PTPN2: variants seen among roughly 807,000 people sequenced by gnomAD.
PTPN2 encodes the protein protein tyrosine phosphatase non-receptor type 2, also known as tyrosine-protein phosphatase non-receptor type 2.
PTPN2 carries 19 observed loss-of-function variants against 57.3 expected under a neutral mutation model. The ratio of observed to expected loss-of-function variants is 0.33; its 90% CI spans 0.23 to 0.49. The LOEUF (loss-of-function observed/expected upper bound fraction) is 0.49, where lower values mean the gene tolerates loss of function less well. PTPN2 is among the 20% of genes least tolerant of loss of function. The pLI is 0.99. For synonymous variants in PTPN2, 153 were observed against 164.9 expected (o/e 0.93, Z 0.55); for missense variants, 358 against 501.1 (o/e 0.71, Z 2.73).
At chr18:12,856,713 A>ACTT (rs2043601537) in intron 2 of PTPN2, among the ~76,000 whole-genome samples, 1 of 152,224 alleles carries the variant, frequency 6.6e-6, no homozygotes, top group African/African-American at 2.4e-5. Context: ...CTTGAGGATA[A>ACTT]CTTAAGTTGC....
intron 7 of PTPN2, among the ~76,000 whole-genome samples, chr18:12,807,717 C>T (rs958518497): frequency 2.7e-5 from 4 of 149,872 alleles, no homozygotes; most frequent in African/African-American, 4.9e-5. Context: ...TGTATGTTCT[C>T]ACTCATATGT....
chr18:12,857,130 T>C (rs909158842), intron 2 of PTPN2, among the ~76,000 whole-genome samples: 14 of 151,016 alleles, frequency 9.3e-5, no homozygotes, highest in Non-Finnish European at 2.1e-4. Flanking sequence ...AAATGTAGTG[T>C]AGTGCATCCA....
intron 1 of PTPN2, among the ~76,000 whole-genome samples, chr18:12,882,782 A>G (rs188552685): frequency 1.2e-4 from 19 of 152,356 alleles, no homozygotes; most frequent in Admixed American, 7.8e-4. Flanking sequence ...TACTTTCTGA[A>G]CACATTTTTC....
intron 8 of PTPN2, among the ~76,000 whole-genome samples, chr18:12,800,714 A>C (rs1850513203): frequency 6.6e-6 from 1 of 152,242 alleles, no homozygotes; most frequent in Non-Finnish European, 1.5e-5. Context: ...TCTAACAAAT[A>C]TAACCACAAG....
intron 2 of PTPN2, chr18:12,840,947 T>A: frequency 6.8e-7 from 1 of 1,480,562 alleles, no homozygotes; most frequent in African/African-American, 1.4e-5. Flanking sequence ...AACTGGTCTG[T>A]TCCCTGCATT....
At position 12,843,615 on chromosome 18, in the gene PTPN2, G is replaced by T. The variant is rs113755808; in HGVS notation, c.161-6724C>A. On this transcript the variant is annotated intron_variant, in intron 2 of 8. Transcript: ENST00000309660. ...TTAGGGCAAGATTCTGATCAGCTCC[G>T]CTGGTGGAGGGCAGCAGGAGCACCC... Among the ~76,000 whole-genome samples the T allele has an allele frequency of 1.6e-4, 25 of 152,208 alleles. 1 individual carries two copies. Among genetic ancestry groups the T allele is most frequent in the African/African-American group, 6.0e-4 (25 of 41,530 alleles).
At chr18:12,883,023 TAAA>T in intron 1 of PTPN2, among the ~76,000 whole-genome samples, 1 of 152,286 alleles carries the variant, frequency 6.6e-6, no homozygotes, top group East Asian at 1.9e-4. Flanking sequence ...CTAGTTGACA[TAAA>T]AAAAGCGAAT....
At chr18:12,811,640 C>G (rs1275935721) in intron 7 of PTPN2, among the ~76,000 whole-genome samples, 3 of 152,158 alleles carry the variant, frequency 2.0e-5, no homozygotes, top group Admixed American at 2.0e-4. Flanking sequence ...TGCCTATGTT[C>G]AGCAAACTCA....
At chr18:12,870,426 CGT>C (rs1491338561) in intron 1 of PTPN2, among the ~76,000 whole-genome samples, 71 of 22,022 alleles carry the variant, frequency 3.2e-3, no homozygotes, top group Non-Finnish European at 4.1e-3. Context: ...TATATATATA[CGT>C]ATATATATAT....
intron 7 of PTPN2, among the ~76,000 whole-genome samples, chr18:12,803,209 C>A (rs929755665): frequency 1.3e-5 from 2 of 151,236 alleles, no homozygotes; most frequent in African/African-American, 4.9e-5. Flanking sequence ...CCAGAGTAAC[C>A]ACAAAGAAAA....
downstream of PTPN2, among the ~76,000 whole-genome samples, chr18:12,789,520 G>A (rs1057351916): frequency 2.0e-5 from 3 of 152,320 alleles, no homozygotes; most frequent in African/African-American, 4.8e-5. Context: ...CAATGGGAAC[G>A]CAGAACAGGC....
In PTPN2 at chr18:12,884,147, C is replaced by CG; in HGVS notation, c.-7dup. The CG allele has an allele frequency of 6.3e-7, 1 of 1,578,974 alleles. No individual in the cohort carries two copies. Among genetic ancestry groups the CG allele is most frequent in the South Asian group, 1.2e-5 (1 of 86,560 alleles). ...CGCTCGATGGTGGTGGGCATGGCTG[C>CG]GGGAGCGAGCTGGCGCGAGCAGAGC... is the stretch of plus-strand genomic sequence containing the variant. On this transcript the variant is annotated 5_prime_UTR_variant, in exon 1 of 9. Coordinates refer to ENST00000309660, the MANE Select transcript of PTPN2 (RefSeq NM_002828.4).
intron 2 of PTPN2, among the ~76,000 whole-genome samples, chr18:12,844,426 T>G (rs1263387691): frequency 1.3e-5 from 2 of 152,240 alleles, no homozygotes; most frequent in Non-Finnish European, 2.9e-5. Context: ...CCAGCTTCTC[T>G]GCATTTTTAG....
chr18:12,861,060 G>A (rs758106507), intron 1 of PTPN2, among the ~76,000 whole-genome samples: 39 of 151,964 alleles, frequency 2.6e-4, no homozygotes, highest in Admixed American at 9.2e-4. Context: ...GGCTGTTCTC[G>A]AACACCTGGG....
At chr18:12,844,036 T>A (rs545925652) in intron 2 of PTPN2, 2 of 152,360 alleles carry the variant, frequency 1.3e-5, no homozygotes, top group East Asian at 3.9e-4. Flanking sequence ...AATGGAATCA[T>A]GTACTATGTC....
At chr18:12,829,882 A>G (rs2042608705) in intron 4 of PTPN2, among the ~76,000 whole-genome samples, 1 of 152,198 alleles carries the variant, frequency 6.6e-6, no homozygotes, top group Non-Finnish European at 1.5e-5. Context: ...CTCTTGATGA[A>G]TAACACATTA....
exon 10 of PTPN2, chr18:12,785,804 T>G: frequency 6.2e-7 from 1 of 1,609,564 alleles, no homozygotes; most frequent in Non-Finnish European, 8.5e-7. Flanking sequence ...AGCTGCAGAA[T>G]ATTCTCAAGT....
At chr18:12,864,117 A>G (rs1378154981) in intron 1 of PTPN2, 1 of 152,144 alleles carries the variant, frequency 6.6e-6, no homozygotes, top group Non-Finnish European at 1.5e-5. Flanking sequence ...AATCTCTTGG[A>G]AAGATAATAT....
At position 12,883,519 on chromosome 18, in the gene PTPN2, G is replaced by A. The variant is rs559454254; in HGVS notation, c.69+554C>T. 280 of 152,102 alleles carry A rather than the reference G, an allele frequency of 1.8e-3. 1 individual carries two copies. Among genetic ancestry groups the A allele is most frequent in the Non-Finnish European group, 2.4e-3 (160 of 68,048 alleles). The allele number at this position is 152,102 out of a possible 1,614,324, so 9.4% of individuals were successfully genotyped here. A position where few individuals can be genotyped will look rare whatever the true frequency, so the allele number is the denominator to read the frequency against. ...GCCGGCCCGGCGCCCAGAGCGGCCT[G>A]CTCCCACAGGTCCTGCGCGGGCGCC... On this transcript the variant is annotated intron_variant, in intron 1 of 8. Transcript: ENST00000309660.
Sources: gnomAD v4.1 joint callset for allele counts (sites outside exome capture counted in the v4.1 genomes callset) on GRCh38, gnomAD v4.1.1 for gene constraint, MANE v1.5 for transcripts, NCBI Gene and HGNC (gene_info 2026-07-23, HGNC 2026-07-21) for gene names.